Variants in RGS17 observed in about 807,000 individuals in gnomAD.
RGS17 encodes regulator of G protein signaling 17.
A neutral mutation model predicts 25.5 loss-of-function variants in RGS17; 12 were observed. The observed-to-expected ratio is 0.47, with a 90% CI of 0.30 to 0.76. The LOEUF is 0.76. Among genes scored for constraint, RGS17 ranks in the 30% least tolerant of loss-of-function variants. The pLI, the probability that RGS17 is intolerant of heterozygous loss-of-function variation, is 0.07. For synonymous variants in RGS17, 71 were observed against 76.9 expected, an observed-to-expected ratio of 0.92 and a Z score of 0.40; for missense variants, 196 against 242.2, an observed-to-expected ratio of 0.81 and a Z score of 1.27.
Position 153,024,550 on chromosome 6 carries a change from C to G in RGS17, c.210-54G>C, listed in dbSNP as rs957159292. On this transcript the variant is annotated intron_variant, in intron 3 of 4. Coordinates refer to ENST00000206262, the MANE Select transcript of RGS17 (RefSeq NM_012419.5). ...AAGGGAACTTTGTGACCAGTGAATG[C>G]TAGACCAGGTAAGGAGAGGAGCAGA... 2.2e-5 allele frequency: 29 copies of G among 1,291,994 alleles called. No individual in the cohort carries two copies. In the African/African-American group the frequency reaches 3.8e-4, roughly 17 times the overall value. 80.0% of individuals were successfully genotyped at this position (1,291,994 alleles called of 1,614,324 possible).
intron 4 of RGS17, among the ~76,000 whole-genome samples, chr6:153,020,111 A>AAAAAATATAT (rs1426592195): frequency 1.7e-5 from 1 of 58,460 alleles, no homozygotes; most frequent in Admixed American, 2.8e-4. Context: ...AAAAAAAAAA[A>AAAAAATATAT]ATATATATAT....
intron 1 of RGS17, among the ~76,000 whole-genome samples, chr6:153,059,766 G>C (rs974234694): frequency 2.0e-5 from 3 of 152,160 alleles, no homozygotes; most frequent in African/African-American, 7.2e-5. Flanking sequence ...ATAAAAAGCT[G>C]ATGATATTTC....
At chr6:153,096,118 G>T (rs1777207806) in intron 1 of RGS17, among the ~76,000 whole-genome samples, 1 of 152,234 alleles carries the variant, frequency 6.6e-6, no homozygotes, top group Admixed American at 6.5e-5. Context: ...GGAACTCAGA[G>T]GAAGGCTGGA....
chr6:153,080,203 A>G (rs963086797), intron 1 of RGS17, among the ~76,000 whole-genome samples: 2 of 152,140 alleles, frequency 1.3e-5, no homozygotes, highest in African/African-American at 4.8e-5. Flanking sequence ...GAAGGTCTCC[A>G]TCTCTTGACC....
intron 1 of RGS17, among the ~76,000 whole-genome samples, chr6:153,107,952 T>TA (rs1356655327): frequency 6.6e-6 from 1 of 152,196 alleles, no homozygotes; most frequent in Non-Finnish European, 1.5e-5. Context: ...ATATGTCATT[T>TA]AAAAAAATCA....
intron 1 of RGS17, among the ~76,000 whole-genome samples, chr6:153,051,277 G>A (rs1776458611): frequency 6.6e-6 from 1 of 152,192 alleles, no homozygotes; most frequent in Admixed American, 6.5e-5. Flanking sequence ...ACATCTAGAA[G>A]AAGCCAAGAT....
rs562212459 is a variant in RGS17, at chr6:153,096,806, C to G, written c.-26+34318G>C. 2.6e-5 allele frequency among the ~76,000 whole-genome samples: 4 copies of G among 152,312 alleles called. No homozygotes were observed. The East Asian group carries it at 7.7e-4, about 29-fold the overall frequency. On this transcript the variant is annotated intron_variant, in intron 1 of 4. Transcript: ENST00000206262. ...ATGACTTATTCAAAACTGAACACTT[C>G]TAACTTTAATTTCTATTTCAGGTAA... is the stretch of plus-strand genomic sequence containing the variant.
At chr6:153,033,397 G>A (rs1470963472) in intron 2 of RGS17, among the ~76,000 whole-genome samples, 1 of 152,062 alleles carries the variant, frequency 6.6e-6, no homozygotes, top group Non-Finnish European at 1.5e-5. Flanking sequence ...GAGAATTACA[G>A]GTCTGAATAC....
chr6:153,110,813 C>T (rs922282560), intron 1 of RGS17, among the ~76,000 whole-genome samples: 1 of 152,192 alleles, frequency 6.6e-6, no homozygotes, highest in African/African-American at 2.4e-5. Flanking sequence ...AGGGCATCGT[C>T]TCACCAGGGA....
intron 1 of RGS17, among the ~76,000 whole-genome samples, chr6:153,113,206 G>T (rs1198849134): frequency 1.3e-5 from 2 of 151,874 alleles, no homozygotes; most frequent in East Asian, 1.9e-4. Context: ...ACACACATAA[G>T]CTGAAAATAA....
chr6:153,099,742 A>G (rs1777270398), intron 1 of RGS17, among the ~76,000 whole-genome samples: 1 of 152,168 alleles, frequency 6.6e-6, no homozygotes, highest in Non-Finnish European at 1.5e-5. Context: ...AGATTACCTA[A>G]ATTCTCTACA....
At chr6:153,116,862 G>A (rs1777554521) in intron 1 of RGS17, among the ~76,000 whole-genome samples, 1 of 152,084 alleles carries the variant, frequency 6.6e-6, no homozygotes, top group Admixed American at 6.6e-5. Context: ...TTCATAAGTG[G>A]GAGTTGAACA....
chr6:153,102,786 G>A (rs514784), intron 1 of RGS17, among the ~76,000 whole-genome samples: 2 of 152,152 alleles, frequency 1.3e-5, no homozygotes, highest in African/African-American at 4.8e-5. Context: ...ATTTTGTTGT[G>A]CCCTTCAAAT....
rs968467894 is a variant in RGS17 at position 153,062,871 on chromosome 6, T to C, written c.-25-18828A>G. Among the ~76,000 whole-genome samples, 3 of 152,234 alleles carry C rather than the reference T, an allele frequency of 2.0e-5. No individual in the cohort carries two copies. The South Asian group carries it at 6.2e-4, about 32-fold the overall frequency. ...TTAAGGCCCTAGCTTCTGTATGACA[T>C]TGCTAGACACACCCTGGGCCAGAAG... On this transcript the variant is annotated intron_variant, in intron 1 of 4. Transcript: ENST00000206262.
At chr6:153,032,419 G>C (rs777078225) in intron 2 of RGS17, among the ~76,000 whole-genome samples, 4 of 152,048 alleles carry the variant, frequency 2.6e-5, no homozygotes, top group Non-Finnish European at 5.9e-5. Context: ...TTTGGCTTAA[G>C]CTTTTGTTTC....
At chr6:153,107,459 TA>T (rs1777402601) in intron 1 of RGS17, among the ~76,000 whole-genome samples, 1 of 152,250 alleles carries the variant, frequency 6.6e-6, no homozygotes, top group Non-Finnish European at 1.5e-5. Context: ...TTTATTTAAA[TA>T]TTTTATTTCA....
At chr6:153,049,491 C>T (rs1328098643) in intron 1 of RGS17, among the ~76,000 whole-genome samples, 2 of 152,134 alleles carry the variant, frequency 1.3e-5, no homozygotes, top group Non-Finnish European at 2.9e-5. Flanking sequence ...GTGGCTCACA[C>T]CTGTAATCCC....
Position 153,089,359 on chromosome 6 carries a change from A to C in RGS17, c.-26+41765T>G, listed in dbSNP as rs185358044. On this transcript the variant is annotated intron_variant, in intron 1 of 4. Coordinates refer to ENST00000206262, the MANE Select transcript of RGS17 (RefSeq NM_012419.5). ...ATATTTTTGAAATTAGAACTCTAAGAGTTCATCTAGAAATAGAAATAAGTC... is the reference window on the plus strand; with the variant it reads ...ATATTTTTGAAATTAGAACTCTAAGCGTTCATCTAGAAATAGAAATAAGTC... 3.2e-4 allele frequency among the ~76,000 whole-genome samples: 49 copies of C among 152,278 alleles called. No individual in the cohort carries two copies. The East Asian group carries it at 7.9e-3, about 25-fold the overall frequency.
rs1779101441 is a variant in RGS17 at position 153,008,578 on chromosome 6, T to A, written c.*2996A>T. 1 of 152,200 alleles carries A rather than the reference T, an allele frequency of 6.6e-6. No individual in the cohort carries two copies. Among genetic ancestry groups the A allele is most frequent in the Admixed American group, 6.5e-5 (1 of 15,282 alleles). The allele number at this position is 152,200 out of a possible 1,614,324, so 9.4% of individuals were successfully genotyped here. A position where few individuals can be genotyped will look rare whatever the true frequency, so the allele number is the denominator to read the frequency against. On this transcript the variant is annotated 3_prime_UTR_variant, in exon 5 of 5. Coordinates refer to ENST00000206262, the MANE Select transcript of RGS17 (RefSeq NM_012419.5). ...TTTATTTATATATACATAATCTGTA[T>A]CCTCTACTTTCTTTTATAGATACAT...
Sources: gnomAD v4.1 joint callset for allele counts (sites outside exome capture counted in the v4.1 genomes callset) on GRCh38, gnomAD v4.1.1 for gene constraint, MANE v1.5 for transcripts, NCBI Gene and HGNC (gene_info 2026-07-23, HGNC 2026-07-21) for gene names.